The following ZNF578 variants were observed in gnomAD, a reference collection of about 807,000 sequenced individuals.
ZNF578 encodes Putative chemokine-related protein B42.
In ZNF578, 8 loss-of-function variants were observed where a neutral mutation model predicts 8.3. The ratio of observed to expected loss-of-function variants is 0.96; its 90% CI spans 0.56 to 1.74. The LOEUF (loss-of-function observed/expected upper bound fraction) is 1.74, where lower values mean the gene tolerates loss of function less well. Among genes scored for constraint, ZNF578 ranks in the 40% most tolerant of loss-of-function variants. ZNF578 has a pLI of 0.00. For missense variants in ZNF578, 726 were observed against 707.5 expected (o/e 1.03, Z -0.30); for synonymous variants, 206 against 232.2 (o/e 0.89, Z 1.03).
chr19:52,496,707 C>T (rs4455076), intron 3 of ZNF578, among the ~76,000 whole-genome samples: 30,248 of 151,554 alleles, frequency 0.2, 3,165 homozygotes, highest in Non-Finnish European at 0.22. Flanking sequence ...GGCGCAATCT[C>T]GGTCACTGCA....
chr19:52,487,959 C>A (rs867478169), intron 2 of ZNF578, among the ~76,000 whole-genome samples: 54 of 146,210 alleles, frequency 3.7e-4, no homozygotes, highest in African/African-American at 1.2e-3. Flanking sequence ...AGCCCCCCCC[C>A]CTTTTTTTTT....
At position 52,510,665 on chromosome 19, in the gene ZNF578, G is replaced by A. The variant is rs751989081; in HGVS notation, c.284G>A (p.Ser95Asn). 3.7e-6 allele frequency: 6 copies of A among 1,613,076 alleles called. No individual in the cohort carries two copies. The highest frequency in any genetic ancestry group is 1.7e-5 in the Admixed American group (1 of 59,808). ...IHTGMLQRHE[S>N]YHTGDFCFQE... Reference sequence around the variant, plus strand: ...ACAGGGATGTTGCAAAGACATGAAAGTTATCACACTGGAGATTTTTGCTTC... The same window carrying A: ...ACAGGGATGTTGCAAAGACATGAAAATTATCACACTGGAGATTTTTGCTTC... Residue 95 changes from serine to asparagine, a missense_variant, in exon 6 of 6, where the codon AGT (serine) becomes AAT (asparagine). Physicochemically the swap from Ser to Asn is conservative, Grantham distance 46. Coordinates refer to ENST00000421239, the MANE Select transcript of ZNF578 (RefSeq NM_001099694.2).
chr19:52,489,801 G>A (rs2122875245), intron 2 of ZNF578, among the ~76,000 whole-genome samples: 1 of 151,520 alleles, frequency 6.6e-6, no homozygotes, highest in African/African-American at 2.4e-5. Flanking sequence ...GACTACAGGC[G>A]CCCGCCACCA....
In ZNF578 at chr19:52,481,044, C is replaced by T. The variant is rs189352190; in HGVS notation, c.-121-10280C>T. Among the ~76,000 whole-genome samples, 466 of 152,066 alleles carry T rather than the reference C, an allele frequency of 3.1e-3. 1 individual carries two copies. The highest frequency in any genetic ancestry group is 5.0e-3 in the Non-Finnish European group (337 of 68,006). ...TTGAGAAATGAATGAATAAAGGCACCGTGGTGCCTGACCCCCTCATTCATG... is the reference window on the plus strand; with the variant it reads ...TTGAGAAATGAATGAATAAAGGCACTGTGGTGCCTGACCCCCTCATTCATG... On this transcript the variant is annotated intron_variant, in intron 2 of 5. Coordinates refer to ENST00000421239, the MANE Select transcript of ZNF578 (RefSeq NM_001099694.2).
intron 2 of ZNF578, among the ~76,000 whole-genome samples, chr19:52,462,439 A>T (rs1216059155): frequency 6.6e-6 from 1 of 152,188 alleles, no homozygotes; most frequent in Non-Finnish European, 1.5e-5. Context: ...TTATTAACAT[A>T]AACCTCAACT....
At chr19:52,491,883 G>A (rs2059366166) in intron 3 of ZNF578, among the ~76,000 whole-genome samples, 1 of 151,946 alleles carries the variant, frequency 6.6e-6, no homozygotes, top group Admixed American at 6.6e-5. Flanking sequence ...AAACAAGGCC[G>A]TGTGGGGTGG....
At chr19:52,467,463 A>C (rs1257880065) in intron 2 of ZNF578, among the ~76,000 whole-genome samples, 2 of 152,064 alleles carry the variant, frequency 1.3e-5, no homozygotes, top group African/African-American at 4.8e-5. Context: ...AATAAATAAA[A>C]AATTTAGCTG....
At chr19:52,502,136 C>T (rs1160735682) in intron 4 of ZNF578, among the ~76,000 whole-genome samples, 1 of 152,142 alleles carries the variant, frequency 6.6e-6, no homozygotes, top group African/African-American at 2.4e-5. Context: ...GAAGAGGCTC[C>T]ACTGGGCATG....
At chr19:52,482,665 A>T (rs34316627) in intron 2 of ZNF578, among the ~76,000 whole-genome samples, 8,107 of 151,336 alleles carry the variant, frequency 0.054, 228 homozygotes, top group Middle Eastern at 0.14. Context: ...AGGAACATCA[A>T]AGCCGGGCGT....
At chr19:52,454,558 C>T (rs1302899298) in intron 1 of ZNF578, 5 of 152,124 alleles carry the variant, frequency 3.3e-5, no homozygotes, top group African/African-American at 1.2e-4. Context: ...AACTCAGAAA[C>T]GTTTTAGTTG....
chr19:52,477,465 C>T (rs543661718), intron 2 of ZNF578, among the ~76,000 whole-genome samples: 5 of 152,150 alleles, frequency 3.3e-5, no homozygotes, highest in Non-Finnish European at 7.3e-5. Context: ...ACAGTGAGGA[C>T]AGAGTCCTGG....
At chr19:52,498,301 T>A (rs946945224) in intron 3 of ZNF578, among the ~76,000 whole-genome samples, 1 of 147,288 alleles carries the variant, frequency 6.8e-6, no homozygotes, top group Non-Finnish European at 1.5e-5. Flanking sequence ...AGACTACAGG[T>A]GCCCACCACC....
chr19:52,489,313 T>C (rs2059357124), intron 2 of ZNF578, among the ~76,000 whole-genome samples: 1 of 152,058 alleles, frequency 6.6e-6, no homozygotes, highest in South Asian at 2.1e-4. Flanking sequence ...GTCCTGGCCA[T>C]GTGCTGTGGC....
intron 2 of ZNF578, among the ~76,000 whole-genome samples, chr19:52,468,247 G>C (rs913451698): frequency 6.6e-6 from 1 of 152,082 alleles, no homozygotes; most frequent in African/African-American, 2.4e-5. Flanking sequence ...TCTTCTAGTA[G>C]AGTCCTATTT....
intron 2 of ZNF578, among the ~76,000 whole-genome samples, chr19:52,484,305 C>T (rs1163997282): frequency 6.6e-6 from 1 of 152,210 alleles, no homozygotes; most frequent in East Asian, 1.9e-4. Context: ...ATTCCTTTGC[C>T]AGGGACGAGT....
At chr19:52,494,037 T>G (rs1599903599) in intron 3 of ZNF578, among the ~76,000 whole-genome samples, 2 of 142,766 alleles carry the variant, frequency 1.4e-5, no homozygotes, top group Non-Finnish European at 1.5e-5. Context: ...GCAGAAGAGG[T>G]GGAAGAGAAG....
At chr19:52,479,602 C>T (rs1368134315) in intron 2 of ZNF578, among the ~76,000 whole-genome samples, 1 of 149,560 alleles carries the variant, frequency 6.7e-6, no homozygotes, top group African/African-American at 2.5e-5. Context: ...TTTTTTGAAG[C>T]ACTGACCATA....
At position 52,514,606 on chromosome 19, in the gene ZNF578, G is replaced by GA. The variant is rs1324976055; in HGVS notation, c.*2457dup. ...CCTCAAGGCCCTGTGGTCCATTCTG[G>GA]AAAAATGTTGAAACATGGGCTGGAG... On this transcript the variant is annotated 3_prime_UTR_variant, in exon 6 of 6. Coordinates refer to ENST00000421239, the MANE Select transcript of ZNF578 (RefSeq NM_001099694.2). 6.6e-6 allele frequency among the ~76,000 whole-genome samples: 1 copy of GA among 152,164 alleles called. No individual in the cohort carries two copies.
At chr19:52,467,321 T>C (rs991205771) in intron 2 of ZNF578, among the ~76,000 whole-genome samples, 2 of 152,142 alleles carry the variant, frequency 1.3e-5, no homozygotes, top group African/African-American at 4.8e-5. Context: ...CAATTTACTT[T>C]TGTAGATCAT....
Sources: allele counts gnomAD v4.1 joint callset (sites outside exome capture counted in the v4.1 genomes callset), GRCh38; gene constraint gnomAD v4.1.1; transcripts MANE v1.5; gene names NCBI Gene and HGNC (gene_info 2026-07-23, HGNC 2026-07-21).